Variants in TPD52L1 observed in about 807,000 individuals in gnomAD.
TPD52L1 encodes tumor protein D53.
Under a neutral mutation model 28.7 loss-of-function variants are expected in TPD52L1, and 18 were observed. The observed-to-expected ratio is 0.63, with a 90% CI of 0.43 to 0.93. TPD52L1 has a LOEUF of 0.93. Among genes scored for constraint, TPD52L1 ranks in the 40% least tolerant of loss-of-function variants. The pLI is 0.00. For missense variants in TPD52L1, 203 were observed against 254.8 expected, an observed-to-expected ratio of 0.80 and a Z score of 1.39; for synonymous variants, 75 against 88.8, an observed-to-expected ratio of 0.84 and a Z score of 0.88.
intron 1 of TPD52L1, among the ~76,000 whole-genome samples, chr6:125,199,781 T>C (rs1044042831): frequency 6.6e-6 from 1 of 152,210 alleles, no homozygotes; most frequent in African/African-American, 2.4e-5. Flanking sequence ...ATAGCACAAA[T>C]TATAGGAAAT....
intron 1 of TPD52L1, among the ~76,000 whole-genome samples, chr6:125,176,473 G>T (rs182879349): frequency 6.6e-6 from 1 of 152,206 alleles, no homozygotes; most frequent in East Asian, 1.9e-4. Flanking sequence ...TAGCTTTGTT[G>T]AGAATTTGGG....
chr6:125,172,098 C>CTTT (rs202116192), intron 1 of TPD52L1, among the ~76,000 whole-genome samples: 9 of 77,476 alleles, frequency 1.2e-4, no homozygotes, highest in East Asian at 9.6e-4. Context: ...TTCTTTCTTT[C>CTTT]CCTTTCTTTC....
rs577908713 is a variant in TPD52L1 at position 125,260,811 on chromosome 6, A to G, written c.487-2023A>G. Among the ~76,000 whole-genome samples, 2 of 146,880 alleles carry G rather than the reference A, an allele frequency of 1.4e-5. 1 individual carries two copies. The highest frequency in any genetic ancestry group is 1.4e-4 in the Admixed American group (2 of 14,128). Reference sequence around the variant, plus strand: ...ACAGAGCAAGACTCCGTCTCAAAAAAAGAAAGAAAGAAGAAAGGAAGAAAG... The same window carrying G: ...ACAGAGCAAGACTCCGTCTCAAAAAGAGAAAGAAAGAAGAAAGGAAGAAAG... On this transcript the variant is annotated intron_variant, in intron 6 of 6. Coordinates refer to ENST00000534000, the MANE Select transcript of TPD52L1 (RefSeq NM_003287.4).
At chr6:125,237,383 G>C (rs1380938496) in intron 3 of TPD52L1, among the ~76,000 whole-genome samples, 2 of 152,114 alleles carry the variant, frequency 1.3e-5, no homozygotes, top group East Asian at 3.9e-4. Context: ...TGAGAAAGTA[G>C]ACTCCACATC....
intron 1 of TPD52L1, among the ~76,000 whole-genome samples, chr6:125,210,951 A>G (rs1232244094): frequency 1.3e-5 from 2 of 152,214 alleles, no homozygotes; most frequent in Non-Finnish European, 1.5e-5. Context: ...ACCCTTTCCA[A>G]TATCACTATA....
chr6:125,194,156 T>C lies in TPD52L1; in HGVS notation c.20-25922T>C, dbSNP rs79845295. Among the ~76,000 whole-genome samples the C allele has an allele frequency of 5.8e-3, 876 of 152,158 alleles. 11 individuals are homozygous for C. The highest frequency in any genetic ancestry group is 0.02 in the African/African-American group (820 of 41,498). ...AGTTTTTGTTTTTGTTTTACTTAATTATAGGATTAGTTTTAGGTGTGACTT... is the reference window on the plus strand; with the variant it reads ...AGTTTTTGTTTTTGTTTTACTTAATCATAGGATTAGTTTTAGGTGTGACTT... On this transcript the variant is annotated intron_variant, in intron 1 of 6. Coordinates refer to ENST00000534000, the MANE Select transcript of TPD52L1 (RefSeq NM_003287.4).
At chr6:125,177,261 C>T (rs2114806723) in intron 1 of TPD52L1, among the ~76,000 whole-genome samples, 1 of 152,234 alleles carries the variant, frequency 6.6e-6, no homozygotes, top group Admixed American at 6.5e-5. Flanking sequence ...AGCACTTGCT[C>T]AGCTGGTTTT....
intron 1 of TPD52L1, among the ~76,000 whole-genome samples, chr6:125,186,880 A>T (rs746757252): frequency 2.0e-5 from 3 of 152,200 alleles, no homozygotes; most frequent in Non-Finnish European, 4.4e-5. Context: ...GAAAAATGAG[A>T]TGATCAAGTA....
chr6:125,248,044 G>C (rs1249611462), intron 3 of TPD52L1, among the ~76,000 whole-genome samples: 1 of 152,180 alleles, frequency 6.6e-6, no homozygotes, highest in Admixed American at 6.5e-5. Context: ...ATTCAGATCT[G>C]TATTTGTATT....
intron 1 of TPD52L1, among the ~76,000 whole-genome samples, chr6:125,156,735 C>A (rs1045321888): frequency 2.0e-5 from 3 of 152,010 alleles, no homozygotes; most frequent in Non-Finnish European, 4.4e-5. Context: ...CATCACTGCA[C>A]CCCAGCTTGG....
intron 1 of TPD52L1, among the ~76,000 whole-genome samples, chr6:125,193,891 TCAAGGAGCTCA>T (rs1793227358): frequency 6.6e-6 from 1 of 152,098 alleles, no homozygotes; most frequent in Admixed American, 6.5e-5. Context: ...GCCCGGGGCT[TCAAGGAGCTCA>T]CAACCCAGTG....
chr6:125,236,476 TCA>T (rs1268617383), intron 3 of TPD52L1, among the ~76,000 whole-genome samples: 2 of 152,234 alleles, frequency 1.3e-5, no homozygotes, highest in African/African-American at 2.4e-5. Context: ...ATTCAGAATG[TCA>T]CACACACACA....
At position 125,207,618 on chromosome 6, in the gene TPD52L1, T is replaced by G. The variant is rs1794234032; in HGVS notation, c.20-12460T>G. Among the ~76,000 whole-genome samples the G allele has an allele frequency of 3.3e-5, 5 of 152,346 alleles. 1 individual carries two copies. The South Asian group carries it at 1.0e-3, about 32-fold the overall frequency. ...GAGCAAAGGTTTGCTTACTGCCTAT[T>G]AGAAAAGATTCAGATTCCCTGAGCT... On this transcript the variant is annotated intron_variant, in intron 1 of 6. Coordinates refer to ENST00000534000, the MANE Select transcript of TPD52L1 (RefSeq NM_003287.4).
At chr6:125,161,044 G>A (rs1230664723) in intron 1 of TPD52L1, among the ~76,000 whole-genome samples, 2 of 152,010 alleles carry the variant, frequency 1.3e-5, no homozygotes, top group African/African-American at 4.8e-5. Context: ...GTAGAGATGG[G>A]GTTTCACCAT....
rs375333536 is a variant in TPD52L1, at chr6:125,250,561, C to A, written c.386+2178C>A. ...GTGACCAGCTCAGTTACAAGATGGC[C>A]CCACATGGTAGAAATTAGGGAGAGT... On this transcript the variant is annotated intron_variant, in intron 4 of 6. Transcript: ENST00000534000. Among the ~76,000 whole-genome samples, 34 of 152,256 alleles carry A rather than the reference C, an allele frequency of 2.2e-4. No individual in the cohort carries two copies. The East Asian group carries it at 5.2e-3, about 23-fold the overall frequency.
chr6:125,255,061 C>A (rs1229017417), intron 5 of TPD52L1, among the ~76,000 whole-genome samples: 1 of 152,142 alleles, frequency 6.6e-6, no homozygotes, highest in South Asian at 2.1e-4. Context: ...AATAAGAATG[C>A]CCCAGTTGGG....
chr6:125,158,942 TA>T (rs1790328220), intron 1 of TPD52L1, among the ~76,000 whole-genome samples: 1 of 152,250 alleles, frequency 6.6e-6, no homozygotes, highest in African/African-American at 2.4e-5. Flanking sequence ...TACCTTTATG[TA>T]AAAGATACTT....
intron 5 of TPD52L1, among the ~76,000 whole-genome samples, chr6:125,254,822 A>T (rs1322749100): frequency 6.6e-6 from 1 of 152,216 alleles, no homozygotes; most frequent in Non-Finnish European, 1.5e-5. Flanking sequence ...ATTAAATCTG[A>T]TTAAAGAGCT....
At chr6:125,180,646 C>T (rs759337067) in intron 1 of TPD52L1, among the ~76,000 whole-genome samples, 12 of 151,680 alleles carry the variant, frequency 7.9e-5, no homozygotes, top group Non-Finnish European at 1.3e-4. Context: ...TGATAGAGGA[C>T]GTAAAGGAGA....
Sources: gnomAD v4.1 joint callset for allele counts (sites outside exome capture counted in the v4.1 genomes callset) on GRCh38, gnomAD v4.1.1 for gene constraint, MANE v1.5 for transcripts, NCBI Gene and HGNC (gene_info 2026-07-23, HGNC 2026-07-21) for gene names.